Variants in CALN1 observed in about 807,000 individuals in gnomAD.
CALN1 encodes calneuron 1.
Under a neutral mutation model 30.6 loss-of-function variants are expected in CALN1, and 17 were observed. That is an observed-to-expected ratio of 0.56 (90% confidence interval 0.38 to 0.83). The LOEUF is 0.83. Among genes scored for constraint, CALN1 ranks in the 40% least tolerant of loss-of-function variants. The pLI is 0.00. For synonymous variants in CALN1, 156 were observed against 131.4 expected (o/e 1.19, Z -1.28); for missense variants, 291 against 354.9 (o/e 0.82, Z 1.45).
At chr7:72,354,316 T>A (rs1031355115) in intron 2 of CALN1, among the ~76,000 whole-genome samples, 2 of 152,214 alleles carry the variant, frequency 1.3e-5, no homozygotes, top group South Asian at 4.2e-4. Flanking sequence ...AGACCAAAAA[T>A]AAATGGAGAC....
intron 2 of CALN1, among the ~76,000 whole-genome samples, chr7:72,316,269 T>C (rs1800438741): frequency 6.6e-6 from 1 of 152,014 alleles, no homozygotes. Context: ...CTATGATGAA[T>C]TCGTTGAAAA....
chr7:72,421,913 GAT>G (rs1199139855), intron 1 of CALN1, among the ~76,000 whole-genome samples: 1 of 152,008 alleles, frequency 6.6e-6, no homozygotes. Flanking sequence ...CTTCACTTAG[GAT>G]AATGGCCTCC....
chr7:72,077,160 G>A (rs890344268), intron 4 of CALN1, among the ~76,000 whole-genome samples: 6 of 152,116 alleles, frequency 3.9e-5, no homozygotes, highest in African/African-American at 9.7e-5. Flanking sequence ...ACATCACCAG[G>A]ACTCCATACG....
intron 2 of CALN1, among the ~76,000 whole-genome samples, chr7:72,303,247 G>T (rs1799419910): frequency 6.6e-6 from 1 of 152,150 alleles, no homozygotes; most frequent in South Asian, 2.1e-4. Context: ...AGACCACAGT[G>T]GGGGCAGGTG....
chr7:72,042,588 C>T (rs1802196625), intron 4 of CALN1, among the ~76,000 whole-genome samples: 1 of 152,112 alleles, frequency 6.6e-6, no homozygotes, highest in Non-Finnish European at 1.5e-5. Flanking sequence ...CAAACAGGGG[C>T]AGGAGCAGTG....
intron 5 of CALN1, among the ~76,000 whole-genome samples, chr7:71,870,663 A>G (rs1215374564): frequency 6.6e-6 from 1 of 152,218 alleles, no homozygotes; most frequent in Non-Finnish European, 1.5e-5. Context: ...GGAGAACAAC[A>G]AGCTCCATTT....
intron 3 of CALN1, among the ~76,000 whole-genome samples, chr7:72,108,915 CTG>C (rs1807366224): frequency 6.6e-6 from 1 of 152,196 alleles, no homozygotes; most frequent in Non-Finnish European, 1.5e-5. Flanking sequence ...TTCCGCAAAA[CTG>C]TCTTTGCTCA....
At position 71,876,397 on chromosome 7, in the gene CALN1, G is replaced by A. The variant is rs191701533; in HGVS notation, c.502-65905C>T. Among the ~76,000 whole-genome samples the A allele has an allele frequency of 2.6e-3, 400 of 151,424 alleles. 1 individual carries two copies. Among genetic ancestry groups the A allele is most frequent in the Middle Eastern group, 6.8e-3 (2 of 294 alleles). ...ATGCACTCACTTGCATTTTTCCATC[G>A]TGTTACAAAACTTTGTGCCAGAAGC... On this transcript the variant is annotated intron_variant, in intron 5 of 6. Coordinates refer to ENST00000395275, the MANE Select transcript of CALN1 (RefSeq NM_031468.4).
At chr7:71,826,481 C>G (rs552280773) in intron 5 of CALN1, among the ~76,000 whole-genome samples, 10 of 152,288 alleles carry the variant, frequency 6.6e-5, no homozygotes, top group Middle Eastern at 3.4e-3. Context: ...CAGGAAGGTG[C>G]TTTGACCTGC....
At chr7:72,125,868 C>G (rs1808725162) in intron 3 of CALN1, among the ~76,000 whole-genome samples, 1 of 139,816 alleles carries the variant, frequency 7.2e-6, no homozygotes, top group Admixed American at 7.7e-5. Flanking sequence ...GTGGCGTGAT[C>G]TCAGCTCACT....
At chr7:72,273,565 T>C (rs188510116) in intron 3 of CALN1, among the ~76,000 whole-genome samples, 31 of 146,788 alleles carry the variant, frequency 2.1e-4, no homozygotes, top group Middle Eastern at 3.8e-3. Flanking sequence ...AAGGCTCAAG[T>C]GCAAGTGCAG....
chr7:72,115,850 A>G (rs1004078021), intron 3 of CALN1, among the ~76,000 whole-genome samples: 4 of 151,740 alleles, frequency 2.6e-5, no homozygotes, highest in African/African-American at 9.7e-5. Context: ...TCTGGTAACC[A>G]GCAACCTACT....
intron 3 of CALN1, 137 bp from the exon 4 acceptor site, chr7:72,106,431 G>A (rs1807114771): frequency 3.0e-6 from 3 of 1,012,538 alleles, no homozygotes; most frequent in African/African-American, 3.2e-5. Context: ...TCAGATAAAA[G>A]GGAGGACAGA....
chr7:72,110,020 G>C (rs1166224490), intron 3 of CALN1, among the ~76,000 whole-genome samples: 1 of 152,218 alleles, frequency 6.6e-6, no homozygotes, highest in Non-Finnish European at 1.5e-5. Context: ...TGTAAGCTAA[G>C]TCTTGCTCTT....
At chr7:72,229,349 G>A (rs1178314273) in intron 3 of CALN1, among the ~76,000 whole-genome samples, 1 of 152,064 alleles carries the variant, frequency 6.6e-6, no homozygotes, top group African/African-American at 2.4e-5. Flanking sequence ...GCAGAGCATG[G>A]TGGCTCATGC....
In CALN1 at chr7:71,853,621, C is replaced by T. The variant is rs7808240; in HGVS notation, c.502-43129G>A. 9.0e-3 allele frequency among the ~76,000 whole-genome samples: 1,367 copies of T among 152,046 alleles called. 25 individuals are homozygous for T. The highest frequency in any genetic ancestry group is 0.031 in the African/African-American group (1,293 of 41,464). Reference sequence around the variant, plus strand: ...TTGAGACAGGGTCTTGCTCTGTCAGCCAGGCTGGAGTGCAGTGGCATGATC... The same window carrying T: ...TTGAGACAGGGTCTTGCTCTGTCAGTCAGGCTGGAGTGCAGTGGCATGATC... On this transcript the variant is annotated intron_variant, in intron 5 of 6. Coordinates refer to ENST00000395275, the MANE Select transcript of CALN1 (RefSeq NM_031468.4).
At chr7:72,070,962 T>C (rs1450739436) in intron 4 of CALN1, among the ~76,000 whole-genome samples, 2 of 152,320 alleles carry the variant, frequency 1.3e-5, no homozygotes, top group Middle Eastern at 3.4e-3. Flanking sequence ...ATGGAGAAGA[T>C]GGCAAAGCAG....
intron 5 of CALN1, among the ~76,000 whole-genome samples, chr7:71,847,194 T>C (rs1465349577): frequency 2.0e-5 from 3 of 151,872 alleles, no homozygotes; most frequent in African/African-American, 4.8e-5. Context: ...GCAGGTGATA[T>C]GGTTTAGCTG....
chr7:72,322,873 C>T (rs1380033443), intron 2 of CALN1, among the ~76,000 whole-genome samples: 1 of 151,760 alleles, frequency 6.6e-6, no homozygotes, highest in Non-Finnish European at 1.5e-5. Context: ...ACCCTGACAT[C>T]ATTATTACAC....
Sources: allele counts gnomAD v4.1 joint callset (sites outside exome capture counted in the v4.1 genomes callset), GRCh38; gene constraint gnomAD v4.1.1; transcripts MANE v1.5; gene names NCBI Gene and HGNC (gene_info 2026-07-23, HGNC 2026-07-21).